Variants in TRPC4 observed in about 807,000 individuals in gnomAD.
TRPC4 encodes transient receptor potential cation channel subfamily C member 4.
In TRPC4, 49 loss-of-function variants were observed where a neutral mutation model predicts 99.4. That is an observed-to-expected ratio of 0.49 (90% confidence interval 0.39 to 0.63). The LOEUF (loss-of-function observed/expected upper bound fraction) is 0.63. Ranked by LOEUF, TRPC4 falls within the 20% of genes least tolerant of loss-of-function variation. TRPC4 has a pLI of 0.00. For missense variants in TRPC4, 898 were observed against 1,152.9 expected, an observed-to-expected ratio of 0.78 and a Z score of 3.20; for synonymous variants, 454 against 425.9, an observed-to-expected ratio of 1.07 and a Z score of -0.81.
chr13:37,850,692 C>T (rs373824086), intron 1 of TRPC4, among the ~76,000 whole-genome samples: 85 of 152,228 alleles, frequency 5.6e-4, no homozygotes, highest in Middle Eastern at 3.4e-3. Context: ...TGAATTAACA[C>T]TCCTTCTGAA....
In TRPC4 at chr13:37,866,614, A is replaced by C. The variant is rs145893902; in HGVS notation, c.-28+2981T>G. On this transcript the variant is annotated intron_variant, in intron 1 of 10. Coordinates refer to ENST00000379705, the MANE Select transcript of TRPC4 (RefSeq NM_016179.4). Reference sequence around the variant, plus strand: ...TTTTGGTAATACTAATGTTCTCAAAAATTAGGTCTATATTTGTGCTGATTA... The same window carrying C: ...TTTTGGTAATACTAATGTTCTCAAACATTAGGTCTATATTTGTGCTGATTA... Among the ~76,000 whole-genome samples the C allele has an allele frequency of 2.0e-3, 301 of 151,906 alleles. 4 individuals carry two copies. Among genetic ancestry groups the C allele is most frequent in the Admixed American group, 0.018 (269 of 15,264 alleles).
chr13:37,829,500 G>A (rs2139585454), intron 1 of TRPC4, among the ~76,000 whole-genome samples: 1 of 152,270 alleles, frequency 6.6e-6, no homozygotes, highest in East Asian at 1.9e-4. Flanking sequence ...TAAGGACGAG[G>A]CGAAATGGGA....
At position 37,663,594 on chromosome 13, in the gene TRPC4, G is replaced by C; in HGVS notation, c.1510C>G (p.Pro504Ala). 6.2e-7 allele frequency: 1 copy of C among 1,614,196 alleles called. No homozygotes were observed. Among genetic ancestry groups the C allele is most frequent in the Non-Finnish European group, 8.5e-7 (1 of 1,180,026 alleles). The change falls in exon 6 of 11, where the codon CCT becomes GCT. Residue 504 changes from proline to alanine, a missense_variant. Transcript: ENST00000379705. ...SLFTANSHLG[P>A]LQISLGRMLL... is the part of the protein sequence containing the mutation. ...ATTCTTCCCAGAGATATTTGCAGAGGTCCCAGGTGAGAATTTGCAGTAAAC... is the reference window on the plus strand; with the variant it reads ...ATTCTTCCCAGAGATATTTGCAGAGCTCCCAGGTGAGAATTTGCAGTAAAC...
intron 3 of TRPC4, among the ~76,000 whole-genome samples, chr13:37,717,302 A>G (rs889318049): frequency 6.6e-6 from 1 of 152,182 alleles, no homozygotes. Context: ...CTACATTAGA[A>G]ACATACAGAT....
At chr13:37,823,347 A>G (rs1269008178) in intron 1 of TRPC4, among the ~76,000 whole-genome samples, 8 of 151,500 alleles carry the variant, frequency 5.3e-5, no homozygotes, top group Non-Finnish European at 1.0e-4. Context: ...GTCCTTGCCC[A>G]TGCCTATGTC....
chr13:37,760,283 T>G (rs1197424813), intron 2 of TRPC4, among the ~76,000 whole-genome samples: 1 of 151,954 alleles, frequency 6.6e-6, no homozygotes, highest in Non-Finnish European at 1.5e-5. Context: ...CATTTCACCA[T>G]TAAACTTTCC....
intron 1 of TRPC4, among the ~76,000 whole-genome samples, chr13:37,787,813 C>G (rs903408610): frequency 6.6e-6 from 1 of 152,008 alleles, no homozygotes; most frequent in Non-Finnish European, 1.5e-5. Context: ...AGATGGAAAT[C>G]AAGATTATAC....
intron 2 of TRPC4, among the ~76,000 whole-genome samples, chr13:37,754,154 G>C (rs879549706): frequency 2.0e-5 from 3 of 152,058 alleles, no homozygotes; most frequent in Non-Finnish European, 2.9e-5. Context: ...CCCAGAAAAT[G>C]GGCTTGCTGC....
intron 3 of TRPC4, among the ~76,000 whole-genome samples, chr13:37,703,447 T>G (rs1165256542): frequency 6.6e-6 from 1 of 152,096 alleles, no homozygotes; most frequent in African/African-American, 2.4e-5. Flanking sequence ...GTAACTCACC[T>G]TCTCCCTGAC....
At chr13:37,667,672 C>T (rs1046286655) in intron 5 of TRPC4, among the ~76,000 whole-genome samples, 1 of 152,190 alleles carries the variant, frequency 6.6e-6, no homozygotes, top group Non-Finnish European at 1.5e-5. Flanking sequence ...GTTCTTCAAT[C>T]ACAACATTGT....
chr13:37,854,569 T>G (rs1374973729), intron 1 of TRPC4, among the ~76,000 whole-genome samples: 1 of 151,894 alleles, frequency 6.6e-6, no homozygotes, highest in Non-Finnish European at 1.5e-5. Context: ...CAGTATAATA[T>G]GACATAAAGG....
intron 5 of TRPC4, among the ~76,000 whole-genome samples, chr13:37,664,530 C>T (rs991605019): frequency 1.3e-5 from 2 of 151,650 alleles, no homozygotes; most frequent in East Asian, 1.9e-4. Flanking sequence ...GCTGAGATCA[C>T]GCCATTGCAC....
At chr13:37,768,730 G>C (rs1435999241) in intron 2 of TRPC4, among the ~76,000 whole-genome samples, 1 of 149,568 alleles carries the variant, frequency 6.7e-6, no homozygotes, top group African/African-American at 2.5e-5. Context: ...CATTTTACTA[G>C]AAGAAAAAAA....
chr13:37,719,137 C>G (rs1304887755), intron 3 of TRPC4, among the ~76,000 whole-genome samples: 1 of 152,042 alleles, frequency 6.6e-6, no homozygotes. Flanking sequence ...CTTTAAAATG[C>G]TGACTACGAA....
chr13:37,787,387 T>C (rs902608372), intron 1 of TRPC4, among the ~76,000 whole-genome samples: 1 of 152,060 alleles, frequency 6.6e-6, no homozygotes, highest in African/African-American at 2.4e-5. Flanking sequence ...AATAGTGCAT[T>C]CACACGCAAT....
chr13:37,655,386 A>ATATATATAT (rs1566072236), intron 6 of TRPC4, 103 bp from the exon 7 acceptor site: 1 of 388,272 alleles, frequency 2.6e-6, no homozygotes, highest in African/African-American at 2.4e-5. Context: ...TATATATATA[A>ATATATATAT]TTAACTTAAA....
chr13:37,718,857 T>A lies in TRPC4; in HGVS notation c.898-26522A>T, dbSNP rs374245365. On this transcript the variant is annotated intron_variant, in intron 3 of 10. Transcript: ENST00000379705. ...AGAGAATGAGTCAGGAAAAGAATAT[T>A]TGAGGAGATAATGGCATAAAGTTTC... Among the ~76,000 whole-genome samples, 102 of 152,138 alleles carry A rather than the reference T, an allele frequency of 6.7e-4. 1 individual carries two copies. In the South Asian group the frequency reaches 0.02, roughly 30 times the overall value.
Position 37,655,768 on chromosome 13 carries a change from T to C in TRPC4, c.1689-485A>G, listed in dbSNP as rs539086938. The stretch of plus-strand genomic sequence containing the variant: ...CTACAATGGCAGAAGAAAGTAGTTA[T>C]AGCAGAGAACATATGGCTCAGAAAA... On this transcript the variant is annotated intron_variant, in intron 6 of 10. Transcript: ENST00000379705. Among the ~76,000 whole-genome samples the C allele has an allele frequency of 2.6e-5, 4 of 152,254 alleles. No individual in the cohort carries two copies. The East Asian group carries it at 5.8e-4, about 22-fold the overall frequency.
chr13:37,724,808 A>G (rs983749213), intron 3 of TRPC4, among the ~76,000 whole-genome samples: 2 of 152,222 alleles, frequency 1.3e-5, no homozygotes, highest in Non-Finnish European at 2.9e-5. Flanking sequence ...TATAGGAAGC[A>G]GTCAATAATC....
Sources: allele counts gnomAD v4.1 joint callset (sites outside exome capture counted in the v4.1 genomes callset), GRCh38; gene constraint gnomAD v4.1.1; transcripts MANE v1.5; gene names NCBI Gene and HGNC (gene_info 2026-07-23, HGNC 2026-07-21).